Variants in ABCB1 observed in about 807,000 individuals in gnomAD.
ABCB1 encodes ATP-dependent translocase ABCB1.
ABCB1 carries 69 observed loss-of-function variants against 142.0 expected under a neutral mutation model. The observed-to-expected ratio is 0.49, with a 90% CI of 0.40 to 0.59. The LOEUF (loss-of-function observed/expected upper bound fraction) is 0.59. ABCB1 is among the 20% of genes least tolerant of loss of function. ABCB1 has a pLI of 0.00. For synonymous variants in ABCB1, 532 were observed against 539.2 expected (o/e 0.99, Z 0.18); for missense variants, 1,326 against 1,554.7 (o/e 0.85, Z 2.47).
At chr7:87,557,203 AT>A (rs1432384913) in intron 8 of ABCB1, among the ~76,000 whole-genome samples, 2 of 151,474 alleles carry the variant, frequency 1.3e-5, no homozygotes, top group African/African-American at 4.9e-5. Flanking sequence ...CATTCCTTCC[AT>A]TTTTATCCAT....
intron 21 of ABCB1, 95 bp downstream of exon 21, chr7:87,531,199 T>G: frequency 9.2e-7 from 1 of 1,089,278 alleles, no homozygotes; most frequent in Non-Finnish European, 1.4e-6. Context: ...ATAAACACAT[T>G]CTTAGAGCAT....
intron 4 of ABCB1, among the ~76,000 whole-genome samples, chr7:87,572,380 A>G (rs999865870): frequency 6.6e-5 from 10 of 152,216 alleles, no homozygotes; most frequent in African/African-American, 2.4e-4. Context: ...TCATTTCTAA[A>G]TAGCTCAAAA....
In ABCB1 at chr7:87,614,170, A is replaced by T. The variant is rs116089563; in HGVS notation, c.-330-13092T>A. Among the ~76,000 whole-genome samples the T allele has an allele frequency of 2.9e-3, 448 of 152,302 alleles. 1 individual carries two copies. Among genetic ancestry groups the T allele is most frequent in the African/African-American group, 0.01 (425 of 41,568 alleles). On this transcript the variant is annotated intron_variant, in intron 1 of 28. Coordinates refer to the ABCB1 transcript ENST00000265724. ...CAGTGCTTTGAGAGGCCAAAGCAGGAAGATTGCTTGAGGCCAGGAGTTCAA... is the reference window on the plus strand; with the variant it reads ...CAGTGCTTTGAGAGGCCAAAGCAGGTAGATTGCTTGAGGCCAGGAGTTCAA...
At chr7:87,583,654 T>C (rs909089133) in intron 4 of ABCB1, among the ~76,000 whole-genome samples, 8 of 152,140 alleles carry the variant, frequency 5.3e-5, no homozygotes, top group Non-Finnish European at 7.4e-5. Flanking sequence ...AAGGAGCTAG[T>C]CTTCACAACT....
intron 4 of ABCB1, among the ~76,000 whole-genome samples, chr7:87,584,961 A>C (rs189269809): frequency 0.029 from 4,172 of 144,626 alleles, 117 homozygotes; most frequent in African/African-American, 0.07. Context: ...ACCCCCCCAC[A>C]CACACACACA....
At chr7:87,699,559 C>T (rs1032500980) in intron 1 of ABCB1, among the ~76,000 whole-genome samples, 7 of 152,148 alleles carry the variant, frequency 4.6e-5, no homozygotes, top group African/African-American at 1.7e-4. Context: ...GCATACACCA[C>T]CATGCCCAGC....
chr7:87,700,467 C>T, intron 1 of ABCB1: 1 of 1,613,274 alleles, frequency 6.2e-7, no homozygotes, highest in Non-Finnish European at 8.5e-7. Flanking sequence ...GCTTCTGGGA[C>T]TATATCAGAG....
chr7:87,559,905 C>T (rs1014479732), intron 8 of ABCB1, among the ~76,000 whole-genome samples: 3 of 152,140 alleles, frequency 2.0e-5, no homozygotes, highest in Admixed American at 6.5e-5. Context: ...TCTGGTCCAC[C>T]TTTTCTCTGA....
At chr7:87,546,458 G>A (rs1412611598) in intron 14 of ABCB1, among the ~76,000 whole-genome samples, 1 of 151,912 alleles carries the variant, frequency 6.6e-6, no homozygotes, top group Non-Finnish European at 1.5e-5. Context: ...CATGGTGGCG[G>A]GTGCCTGTAG....
At chr7:87,521,618 A>AGTT in intron 21 of ABCB1, 1 of 770,354 alleles carries the variant, frequency 1.3e-6, no homozygotes, top group South Asian at 1.3e-5. Context: ...CCAAATACCA[A>AGTT]GCGCTCAAGG....
chr7:87,599,434 G>C (rs566828156), intron 2 of ABCB1, among the ~76,000 whole-genome samples: 1 of 152,116 alleles, frequency 6.6e-6, no homozygotes, highest in Non-Finnish European at 1.5e-5. Context: ...GCCATTTACC[G>C]GAAGCAAGAG....
At chr7:87,666,163 T>C (rs1825221643) in intron 1 of ABCB1, among the ~76,000 whole-genome samples, 1 of 152,184 alleles carries the variant, frequency 6.6e-6, no homozygotes, top group Non-Finnish European at 1.5e-5. Context: ...TATTTTTGAC[T>C]TTTTAGTAAT....
intron 1 of ABCB1, among the ~76,000 whole-genome samples, chr7:87,692,766 C>T (rs933709733): frequency 1.3e-5 from 2 of 152,156 alleles, no homozygotes; most frequent in Non-Finnish European, 1.5e-5. Context: ...TTCTGATTTA[C>T]ATTCAATGTT....
chr7:87,638,085 G>A (rs546595497), intron 1 of ABCB1, among the ~76,000 whole-genome samples: 3 of 151,948 alleles, frequency 2.0e-5, no homozygotes, highest in East Asian at 1.9e-4. Context: ...TCAAGTAAAC[G>A]TGATTTTTCT....
chr7:87,708,810 A>T (rs745659929), intron 1 of ABCB1, among the ~76,000 whole-genome samples: 6 of 152,152 alleles, frequency 3.9e-5, no homozygotes, highest in Non-Finnish European at 7.4e-5. Context: ...TAGGGATAGT[A>T]TTGTAACCTA....
At chr7:87,665,482 A>G (rs1825133174) in intron 1 of ABCB1, among the ~76,000 whole-genome samples, 1 of 152,126 alleles carries the variant, frequency 6.6e-6, no homozygotes, top group Non-Finnish European at 1.5e-5. Context: ...GGGTTGGAAG[A>G]ATTTTTATTG....
At chr7:87,686,233 G>C (rs955648707) in intron 1 of ABCB1, among the ~76,000 whole-genome samples, 2 of 151,994 alleles carry the variant, frequency 1.3e-5, no homozygotes, top group Non-Finnish European at 2.9e-5. Flanking sequence ...TGTGCTGGGG[G>C]CCCAGGATAT....
chr7:87,659,017 G>A (rs910192540), intron 1 of ABCB1, among the ~76,000 whole-genome samples: 1 of 152,116 alleles, frequency 6.6e-6, no homozygotes, highest in Admixed American at 6.6e-5. Flanking sequence ...ATCAGACATG[G>A]TGATATGCGT....
At chr7:87,690,242 G>A (rs992296376) in intron 1 of ABCB1, among the ~76,000 whole-genome samples, 1 of 151,972 alleles carries the variant, frequency 6.6e-6, no homozygotes, top group Non-Finnish European at 1.5e-5. Context: ...ACTTTAATTT[G>A]ATGAAGAGTA....
Sources: gnomAD v4.1 joint callset for allele counts (sites outside exome capture counted in the v4.1 genomes callset) on GRCh38, gnomAD v4.1.1 for gene constraint, MANE v1.5 for transcripts, NCBI Gene and HGNC (gene_info 2026-07-23, HGNC 2026-07-21) for gene names.